The following RBFOX1 variants were observed in gnomAD, a reference collection of about 807,000 sequenced individuals.
RBFOX1 encodes RNA binding fox-1 homolog 1, also known as RNA binding protein fox-1 homolog 1.
A neutral mutation model predicts 57.7 loss-of-function variants in RBFOX1; 8 were observed. The ratio of observed to expected loss-of-function variants is 0.14; its 90% CI spans 0.08 to 0.25. The LOEUF (loss-of-function observed/expected upper bound fraction) is 0.25, where lower values mean the gene tolerates loss of function less well. Ranked by LOEUF, RBFOX1 falls within the 10% of genes least tolerant of loss-of-function variation. The pLI is 1.00. For missense variants in RBFOX1, 611 were observed against 548.5 expected, an observed-to-expected ratio of 1.11 and a Z score of -1.14; for synonymous variants, 326 against 222.4, an observed-to-expected ratio of 1.47 and a Z score of -4.15.
chr16:6,306,510 T>C (rs1212604249), intron 1 of RBFOX1, among the ~76,000 whole-genome samples: 2 of 152,194 alleles, frequency 1.3e-5, no homozygotes, highest in Admixed American at 1.3e-4. Context: ...ATGGATGAAA[T>C]CCTTTGGCCT....
chr16:6,870,500 T>C (rs1355313660), intron 3 of RBFOX1, among the ~76,000 whole-genome samples: 1 of 152,218 alleles, frequency 6.6e-6, no homozygotes, highest in African/African-American at 2.4e-5. Flanking sequence ...AGCTTCATGA[T>C]ATTATTTGCC....
At chr16:5,745,546 T>C (rs986719979) in intron 3 of RBFOX1, among the ~76,000 whole-genome samples, 10 of 152,242 alleles carry the variant, frequency 6.6e-5, no homozygotes, top group African/African-American at 2.4e-4. Flanking sequence ...TGAACTAGTT[T>C]ACAGTCCCAC....
chr16:6,297,825 G>A (rs778823463), intron 1 of RBFOX1, among the ~76,000 whole-genome samples: 1 of 152,176 alleles, frequency 6.6e-6, no homozygotes, highest in Admixed American at 6.5e-5. Context: ...GACAGTCAGA[G>A]AGGAGATTGG....
At chr16:6,550,923 A>T (rs548815035) in intron 2 of RBFOX1, among the ~76,000 whole-genome samples, 1 of 152,296 alleles carries the variant, frequency 6.6e-6, no homozygotes, top group East Asian at 1.9e-4. Context: ...GGGCAACTCA[A>T]GTTATCATCA....
chr16:7,382,950 C>A (rs1164727704), intron 4 of RBFOX1, among the ~76,000 whole-genome samples: 3 of 152,006 alleles, frequency 2.0e-5, no homozygotes, highest in Non-Finnish European at 4.4e-5. Flanking sequence ...AAGGGTTCCA[C>A]ATTGAAGAGA....
At chr16:5,453,058 C>A (rs1177602487) in intron 1 of RBFOX1, among the ~76,000 whole-genome samples, 1 of 152,176 alleles carries the variant, frequency 6.6e-6, no homozygotes, top group Non-Finnish European at 1.5e-5. Context: ...TTACTTTGTC[C>A]CTTGCAACTT....
chr16:5,577,230 G>A (rs377584033), intron 2 of RBFOX1, among the ~76,000 whole-genome samples: 7 of 152,112 alleles, frequency 4.6e-5, no homozygotes, highest in African/African-American at 9.7e-5. Context: ...CTTTTGCAAC[G>A]ATCTAAGAAC....
At chr16:7,696,534 G>A (rs923777744) in intron 14 of RBFOX1, among the ~76,000 whole-genome samples, 6 of 145,848 alleles carry the variant, frequency 4.1e-5, no homozygotes, top group African/African-American at 8.4e-5. Context: ...CTTAATCAGT[G>A]ACTAGAAATT....
intron 1 of RBFOX1, among the ~76,000 whole-genome samples, chr16:5,369,847 A>G (rs371502617): frequency 6.6e-6 from 1 of 152,062 alleles, no homozygotes; most frequent in East Asian, 1.9e-4. Context: ...TGCAAAAGTA[A>G]TTGCAGTTTT....
chr16:5,346,459 A>G (rs1227269388), intron 1 of RBFOX1, among the ~76,000 whole-genome samples: 1 of 152,204 alleles, frequency 6.6e-6, no homozygotes, highest in Non-Finnish European at 1.5e-5. Context: ...GATGCATGGG[A>G]TTTCACAGGA....
intron 2 of RBFOX1, among the ~76,000 whole-genome samples, chr16:5,485,763 A>G (rs1321334717): frequency 1.3e-4 from 20 of 152,304 alleles, no homozygotes; most frequent in East Asian, 3.9e-4. Flanking sequence ...CAGAACTTCA[A>G]AAGTGCTTGT....
intron 4 of RBFOX1, among the ~76,000 whole-genome samples, chr16:7,432,897 A>G (rs985265845): frequency 1.3e-5 from 2 of 152,226 alleles, no homozygotes; most frequent in South Asian, 2.1e-4. Context: ...CACAGAATCA[A>G]CAGCCTTATG....
In RBFOX1 at chr16:6,996,392, T is replaced by A. The variant is rs1049094740; in HGVS notation, c.-15-55665T>A. Among the ~76,000 whole-genome samples, 6 of 152,170 alleles carry A rather than the reference T, an allele frequency of 3.9e-5. No homozygotes were observed. The East Asian group carries it at 1.2e-3, about 29-fold the overall frequency. On this transcript the variant is annotated intron_variant, in intron 3 of 15. Coordinates refer to ENST00000550418, the MANE Select transcript of RBFOX1 (RefSeq NM_018723.4). ...GTGTGTGTGTGCATATAAACATGTA[T>A]GTGTGTGCATGTATAGGTATCTGGA... is the stretch of plus-strand genomic sequence containing the variant.
intron 1 of RBFOX1, among the ~76,000 whole-genome samples, chr16:6,181,837 G>A (rs1444675661): frequency 2.6e-5 from 4 of 152,092 alleles, no homozygotes; most frequent in Non-Finnish European, 5.9e-5. Context: ...CTTTCATCAT[G>A]GTCTGATGTG....
intron 2 of RBFOX1, among the ~76,000 whole-genome samples, chr16:6,626,090 C>T (rs761007577): frequency 1.5e-4 from 22 of 151,192 alleles, no homozygotes; most frequent in East Asian, 9.7e-4. Context: ...CACCAATATG[C>T]GTCTCTTAGT....
intron 4 of RBFOX1, among the ~76,000 whole-genome samples, chr16:7,367,683 C>G (rs957959663): frequency 1.3e-5 from 2 of 152,102 alleles, no homozygotes; most frequent in Non-Finnish European, 2.9e-5. Flanking sequence ...AACAAATGTC[C>G]CATCCCATCT....
chr16:7,235,946 A>G (rs914264489), intron 4 of RBFOX1, among the ~76,000 whole-genome samples: 1 of 152,162 alleles, frequency 6.6e-6, no homozygotes, highest in Non-Finnish European at 1.5e-5. Context: ...GCCAATTTCA[A>G]TATTCATTAG....
At chr16:5,326,349 C>T (rs1488405272) in intron 1 of RBFOX1, among the ~76,000 whole-genome samples, 1 of 152,168 alleles carries the variant, frequency 6.6e-6, no homozygotes, top group Non-Finnish European at 1.5e-5. Context: ...ACTCAAAGGT[C>T]ATGTGAGCAC....
chr16:7,579,738 TCCA>T lies in RBFOX1; in HGVS notation c.271-37_271-35del, dbSNP rs758086872. The T allele has an allele frequency of 1.9e-5, 30 of 1,613,074 alleles. No individual in the cohort carries two copies. In the Admixed American group the frequency reaches 5.0e-4, roughly 27 times the overall value. On this transcript the variant is annotated intron_variant, in intron 5 of 15. Coordinates refer to ENST00000550418, the MANE Select transcript of RBFOX1 (RefSeq NM_018723.4). ...AGAGCATCGGAAGAGAGCACTGTGGTCCACTGAGAACCTCTTCGGTTTCTTCTT... is the reference window on the plus strand; with the variant it reads ...AGAGCATCGGAAGAGAGCACTGTGGTCTGAGAACCTCTTCGGTTTCTTCTT...
Sources: gnomAD v4.1 joint callset for allele counts (sites outside exome capture counted in the v4.1 genomes callset) on GRCh38, gnomAD v4.1.1 for gene constraint, MANE v1.5 for transcripts, NCBI Gene and HGNC (gene_info 2026-07-23, HGNC 2026-07-21) for gene names.